The following ERC1 variants were observed in gnomAD, a reference collection of about 807,000 sequenced individuals.
The protein encoded by ERC1 is RAB6 interacting protein 2.
Under a neutral mutation model 132.0 loss-of-function variants are expected in ERC1, and 56 were observed. The ratio of observed to expected loss-of-function variants is 0.42; its 90% confidence interval spans 0.34 to 0.53. The LOEUF (loss-of-function observed/expected upper bound fraction) is 0.53, where lower values mean the gene tolerates loss of function less well. ERC1 is among the 20% of genes least tolerant of loss of function. The pLI, the probability that ERC1 is intolerant of heterozygous loss-of-function variation, is 0.03. For missense variants in ERC1, 1,202 were observed against 1,349.9 expected, an observed-to-expected ratio of 0.89 and a Z score of 1.72; for synonymous variants, 478 against 476.1, an observed-to-expected ratio of 1.00 and a Z score of -0.05.
intron 1 of ERC1, chr12:991,835 C>T (rs1241035917): frequency 6.6e-6 from 1 of 152,102 alleles, no homozygotes; most frequent in Non-Finnish European, 1.5e-5. Flanking sequence ...CTTTTCTTTT[C>T]GATGAAATGG....
In ERC1 at chr12:1,494,190, T is replaced by G. The variant is rs376601288; in HGVS notation, c.*3960T>G. The G allele has an allele frequency of 1.5e-4, 36 of 232,270 alleles. No homozygotes were observed. In the East Asian group the frequency reaches 1.6e-3, roughly 11 times the overall value. 14.4% of individuals were successfully genotyped at this position (232,270 alleles called of 1,614,324 possible). On this transcript the variant is annotated 3_prime_UTR_variant, in exon 19 of 19. Coordinates refer to ENST00000360905, the MANE Select transcript of ERC1 (RefSeq NM_178040.4). Reference sequence around the variant, plus strand: ...AGTAATTTAACATCTGCTCCTGGCCTCCTCTTCACCTGCCTGGGTTCGGAA... The same window carrying G: ...AGTAATTTAACATCTGCTCCTGGCCGCCTCTTCACCTGCCTGGGTTCGGAA...
chr12:1,157,527 T>C (rs1302267013), intron 8 of ERC1, among the ~76,000 whole-genome samples: 2 of 152,182 alleles, frequency 1.3e-5, no homozygotes, highest in Admixed American at 1.3e-4. Context: ...ATCCACCCCT[T>C]CTCTTCTGAT....
At chr12:1,090,875 A>ATGCCTGGCCCG (rs1943086735) in intron 3 of ERC1, among the ~76,000 whole-genome samples, 4 of 14,832 alleles carry the variant, frequency 2.7e-4, no homozygotes, top group Admixed American at 1.2e-3. Flanking sequence ...TGTTATTATT[A>ATGCCTGGCCCG]TTATTATTAT....
chr12:1,444,519 C>G (rs1034887315), intron 17 of ERC1, 43 bp from the exon 18 acceptor site: 2 of 1,422,180 alleles, frequency 1.4e-6, no homozygotes, highest in Non-Finnish European at 1.9e-6. Context: ...CTGACCTTGA[C>G]TTTCCTCATT....
At chr12:1,281,645 A>G (rs1046495092) in intron 14 of ERC1, among the ~76,000 whole-genome samples, 16 of 152,192 alleles carry the variant, frequency 1.1e-4, no homozygotes, top group Non-Finnish European at 1.5e-4. Flanking sequence ...TTCCATTACA[A>G]TCTGTTGCTG....
chr12:1,403,216 T>C lies in ERC1; in HGVS notation c.2926-4933T>C, dbSNP rs562686783. 5.9e-5 allele frequency among the ~76,000 whole-genome samples: 9 copies of C among 152,288 alleles called. No individual in the cohort carries two copies. In the South Asian group the frequency reaches 1.0e-3, roughly 18 times the overall value. ...TCCTTCTTCCCTTCTTCCTTTTTTT[T>C]CCCCCTTCCTTCCTTCAGACAACGT... On this transcript the variant is annotated intron_variant, in intron 16 of 18. Coordinates refer to ENST00000360905, the MANE Select transcript of ERC1 (RefSeq NM_178040.4).
chr12:1,017,718 C>T (rs941552973), intron 1 of ERC1, among the ~76,000 whole-genome samples: 2 of 151,950 alleles, frequency 1.3e-5, no homozygotes, highest in Admixed American at 6.6e-5. Context: ...AGGCTGGCCT[C>T]GAGCTCCTGG....
intron 1 of ERC1, among the ~76,000 whole-genome samples, chr12:1,002,050 T>C (rs1962445749): frequency 6.6e-6 from 1 of 151,116 alleles, no homozygotes; most frequent in South Asian, 2.1e-4. Context: ...TAAGTAGAGA[T>C]GGGTGTTTGC....
At chr12:1,386,397 C>T (rs1235445464) in intron 16 of ERC1, among the ~76,000 whole-genome samples, 3 of 151,542 alleles carry the variant, frequency 2.0e-5, no homozygotes, top group East Asian at 3.9e-4. Context: ...CCTGTAATCC[C>T]AGCACTTTGG....
rs34619342 is a variant in ERC1 at position 1,473,629 on chromosome 12, C to CAA, written c.3214-16445_3214-16444dup. 5.5e-3 allele frequency among the ~76,000 whole-genome samples: 511 copies of CAA among 92,582 alleles called. 3 individuals are homozygous for CAA. The highest frequency in any genetic ancestry group is 0.022 in the Middle Eastern group (4 of 178). The allele number at this position is 92,582 out of a possible 152,430, so 60.7% of individuals were successfully genotyped here. ...TGGGGGACAGAGTGAGACTCTATCTCAAAAAAAAAAAAAAAAAAAAGGACA... is the reference window on the plus strand; with the variant it reads ...TGGGGGACAGAGTGAGACTCTATCTCAAAAAAAAAAAAAAAAAAAAAAGGACA... On this transcript the variant is annotated intron_variant, in intron 18 of 18. Transcript: ENST00000360905.
At chr12:1,307,094 T>G (rs1363267378) in intron 15 of ERC1, among the ~76,000 whole-genome samples, 1 of 152,228 alleles carries the variant, frequency 6.6e-6, no homozygotes, top group Non-Finnish European at 1.5e-5. Context: ...AGAAGATACC[T>G]GTTTTACTAA....
At chr12:1,199,701 C>T (rs375731859) in intron 12 of ERC1, among the ~76,000 whole-genome samples, 1 of 151,884 alleles carries the variant, frequency 6.6e-6, no homozygotes, top group African/African-American at 2.4e-5. Context: ...TTGCTTGAAC[C>T]TGGGAGGCAG....
chr12:1,243,745 C>T (rs2075983247), intron 13 of ERC1, among the ~76,000 whole-genome samples: 1 of 152,142 alleles, frequency 6.6e-6, no homozygotes, highest in Non-Finnish European at 1.5e-5. Flanking sequence ...TGCTGCTAAA[C>T]GTCCTGTAGT....
chr12:1,161,614 C>T (rs1951894490), intron 8 of ERC1, among the ~76,000 whole-genome samples: 1 of 152,108 alleles, frequency 6.6e-6, no homozygotes, highest in South Asian at 2.1e-4. Context: ...GAGTTTTTTT[C>T]TCCTCTGTCC....
intron 2 of ERC1, among the ~76,000 whole-genome samples, chr12:1,073,027 T>C (rs1467711640): frequency 6.6e-6 from 1 of 150,720 alleles, no homozygotes; most frequent in East Asian, 2.0e-4. Context: ...TCAGGCCAGG[T>C]GCGGTGGCTC....
intron 16 of ERC1, among the ~76,000 whole-genome samples, chr12:1,396,089 G>C (rs1469719500): frequency 1.3e-5 from 2 of 152,184 alleles, no homozygotes; most frequent in Admixed American, 6.5e-5. Flanking sequence ...GAGTTCTTTT[G>C]TGAAACTAGT....
chr12:1,149,718 TATC>T (rs1412349350), intron 8 of ERC1, among the ~76,000 whole-genome samples: 3 of 152,152 alleles, frequency 2.0e-5, no homozygotes, highest in Non-Finnish European at 4.4e-5. Flanking sequence ...CATTTTTTGT[TATC>T]ATTTATTTCT....
At chr12:1,393,153 A>C (rs1198895534) in intron 16 of ERC1, among the ~76,000 whole-genome samples, 1 of 152,186 alleles carries the variant, frequency 6.6e-6, no homozygotes, top group African/African-American at 2.4e-5. Context: ...TTATGTTTTG[A>C]CTCAGTTATA....
intron 15 of ERC1, among the ~76,000 whole-genome samples, chr12:1,337,251 T>C (rs11061705): frequency 0.36 from 54,059 of 151,768 alleles, 9,877 homozygotes; most frequent in Middle Eastern, 0.4. Flanking sequence ...GCATATATAT[T>C]TAGGATAGTT....
Sources: gnomAD v4.1 joint callset for allele counts (sites outside exome capture counted in the v4.1 genomes callset) on GRCh38, gnomAD v4.1.1 for gene constraint, MANE v1.5 for transcripts, NCBI Gene and HGNC (gene_info 2026-07-23, HGNC 2026-07-21) for gene names.